ENPP6: variants seen among roughly 807,000 people sequenced by gnomAD.
ENPP6 encodes the protein ectonucleotide pyrophosphatase/phosphodiesterase 6, also known as glycerophosphocholine cholinephosphodiesterase ENPP6.
ENPP6 carries 32 observed loss-of-function variants against 42.0 expected under a neutral mutation model. The observed-to-expected ratio is 0.76, with a 90% CI of 0.58 to 1.02. ENPP6 has a LOEUF of 1.02. ENPP6 is among the 50% of genes least tolerant of loss of function. The pLI is 0.00. For synonymous variants in ENPP6, 213 were observed against 216.0 expected (o/e 0.99, Z 0.12); for missense variants, 552 against 566.8 (o/e 0.97, Z 0.27).
In ENPP6 at chr4:184,090,894, C is replaced by T; in HGVS notation, c.*283G>A. Reference sequence around the variant, plus strand: ...GTTGCTGCAGGAGCAGGTCCCTGCTCAGAGAGTTCATCCTGAGTAACGTGA... The same window carrying T: ...GTTGCTGCAGGAGCAGGTCCCTGCTTAGAGAGTTCATCCTGAGTAACGTGA... On this transcript the variant is annotated 3_prime_UTR_variant, in exon 8 of 8. Coordinates refer to ENST00000296741, the MANE Select transcript of ENPP6 (RefSeq NM_153343.4). 1 of 442,920 alleles carries T rather than the reference C, an allele frequency of 2.3e-6. No homozygotes were observed. Among genetic ancestry groups the T allele is most frequent in the Middle Eastern group, 5.7e-4 (1 of 1,748 alleles). 27.4% of individuals were successfully genotyped at this position (442,920 alleles called of 1,614,324 possible).
chr4:184,153,498 T>C, intron 2 of ENPP6, 56 bp downstream of exon 2: 1 of 1,519,156 alleles, frequency 6.6e-7, no homozygotes, highest in South Asian at 1.3e-5. Flanking sequence ...TGACACCGAC[T>C]GTCCTCAGAG....
chr4:184,193,943 G>A (rs961668943), intron 1 of ENPP6, among the ~76,000 whole-genome samples: 8 of 152,144 alleles, frequency 5.3e-5, no homozygotes, highest in South Asian at 2.1e-4. Context: ...TCTATTAGAA[G>A]CTTTGCCTTT....
In ENPP6 at chr4:184,117,743, C is replaced by A; in HGVS notation, c.675+16G>T. The A allele has an allele frequency of 1.2e-6, 2 of 1,612,350 alleles. No individual in the cohort carries two copies. Among genetic ancestry groups the A allele is most frequent in the East Asian group, 2.2e-5 (1 of 44,818 alleles). ...ACAGAGAGAAGGCCAGGCCACGTGT[C>A]TTTGCTTCAGGTCACCTGGATCCAC... On this transcript the variant is annotated intron_variant, in intron 4 of 7. Coordinates refer to ENST00000296741, the MANE Select transcript of ENPP6 (RefSeq NM_153343.4).
At chr4:184,094,243 C>T (rs1262408494) in intron 7 of ENPP6, among the ~76,000 whole-genome samples, 1 of 152,204 alleles carries the variant, frequency 6.6e-6, no homozygotes, top group African/African-American at 2.4e-5. Context: ...TGCCACTGCA[C>T]TCCAGCCTCG....
chr4:184,093,603 C>A (rs2111326065), intron 7 of ENPP6, among the ~76,000 whole-genome samples: 1 of 150,466 alleles, frequency 6.6e-6, no homozygotes, highest in East Asian at 2.0e-4. Context: ...CGTGCCATTG[C>A]ACTCCAGCCT....
chr4:184,116,760 A>G (rs570205496), intron 5 of ENPP6, 96 bp downstream of exon 5: 394 of 1,498,956 alleles, frequency 2.6e-4, no homozygotes, highest in Non-Finnish European at 3.4e-4. Flanking sequence ...ACACACACAC[A>G]AAACAAAACA....
intron 1 of ENPP6, among the ~76,000 whole-genome samples, chr4:184,164,702 T>G (rs764169094): frequency 3.1e-4 from 47 of 152,210 alleles, no homozygotes; most frequent in Non-Finnish European, 2.9e-4. Flanking sequence ...TGGTACTTCG[T>G]TACAGCAGGC....
intron 1 of ENPP6, among the ~76,000 whole-genome samples, chr4:184,199,752 A>G (rs1405576646): frequency 3.3e-5 from 5 of 152,128 alleles, no homozygotes; most frequent in African/African-American, 1.2e-4. Flanking sequence ...CTTTCTTCAT[A>G]TGTACAAAAC....
rs186099428 is a variant in ENPP6 at position 184,188,461 on chromosome 4, C to T, written c.241+29118G>A. 6.2e-4 allele frequency among the ~76,000 whole-genome samples: 94 copies of T among 152,232 alleles called. No homozygotes were observed. The East Asian group carries it at 0.012, about 19-fold the overall frequency. ...CCCAAATTGACGATCTGGGGTCCCA[C>T]GCTCTGCTTGAGTCAAGGGTTGGCA... On this transcript the variant is annotated intron_variant, in intron 1 of 7. Transcript: ENST00000296741.
At chr4:184,202,497 T>C (rs17075459) in intron 1 of ENPP6, among the ~76,000 whole-genome samples, 11,811 of 152,124 alleles carry the variant, frequency 0.078, 492 homozygotes, top group African/African-American at 0.1. Context: ...AATTGCACGT[T>C]TTTGACACAC....
At chr4:184,147,688 C>G (rs920217287) in intron 2 of ENPP6, among the ~76,000 whole-genome samples, 10 of 151,846 alleles carry the variant, frequency 6.6e-5, no homozygotes, top group African/African-American at 1.9e-4. Flanking sequence ...ATCATCCCAC[C>G]TACTTAGGAA....
At chr4:184,170,161 G>A (rs571627342) in intron 1 of ENPP6, among the ~76,000 whole-genome samples, 6 of 152,350 alleles carry the variant, frequency 3.9e-5, no homozygotes, top group Admixed American at 2.6e-4. Context: ...CGGGAAAGGT[G>A]GCTCACGCCT....
Position 184,097,211 on chromosome 4 carries a change from G to A in ENPP6, c.1117+34C>T, listed in dbSNP as rs765571403. On this transcript the variant is annotated intron_variant, in intron 7 of 7. Coordinates refer to ENST00000296741, the MANE Select transcript of ENPP6 (RefSeq NM_153343.4). The stretch of plus-strand genomic sequence containing the variant: ...CCTTACAGACACTTCCTTGGGAATG[G>A]GGTCTGAGAGCATCTGGTCATTTCC... 17 of 1,613,222 alleles carry A rather than the reference G, an allele frequency of 1.1e-5. 1 individual carries two copies. The South Asian group carries it at 1.5e-4, about 15-fold the overall frequency.
At chr4:184,095,989 G>C (rs1310371736) in intron 7 of ENPP6, among the ~76,000 whole-genome samples, 1 of 152,140 alleles carries the variant, frequency 6.6e-6, no homozygotes, top group Non-Finnish European at 1.5e-5. Flanking sequence ...AGCATGTTCA[G>C]GCATCTTCAG....
At chr4:184,126,268 G>A (rs940426048) in intron 2 of ENPP6, among the ~76,000 whole-genome samples, 1 of 152,086 alleles carries the variant, frequency 6.6e-6, no homozygotes, top group African/African-American at 2.4e-5. Flanking sequence ...CTTAACACTG[G>A]CACAGTAATA....
At chr4:184,214,790 A>G (rs1733172085) in intron 1 of ENPP6, among the ~76,000 whole-genome samples, 2 of 152,192 alleles carry the variant, frequency 1.3e-5, no homozygotes, top group Admixed American at 1.3e-4. Context: ...ATGAGAACAC[A>G]TGGACACAGG....
At chr4:184,139,122 C>A (rs1736778049) in intron 2 of ENPP6, among the ~76,000 whole-genome samples, 1 of 152,216 alleles carries the variant, frequency 6.6e-6, no homozygotes, top group African/African-American at 2.4e-5. Context: ...TCCTTCTGCT[C>A]CGTCTCTGCA....
intron 6 of ENPP6, among the ~76,000 whole-genome samples, chr4:184,105,427 A>G (rs993018836): frequency 1.4e-4 from 22 of 152,228 alleles, no homozygotes; most frequent in African/African-American, 5.1e-4. Context: ...TTAGAAACAC[A>G]TTGAACATTC....
intron 1 of ENPP6, among the ~76,000 whole-genome samples, chr4:184,175,015 C>G (rs1365212149): frequency 6.6e-6 from 1 of 152,202 alleles, no homozygotes; most frequent in African/African-American, 2.4e-5. Context: ...AGTGAGATTC[C>G]TAACAAGGCG....
Sources: gnomAD v4.1 joint callset for allele counts (sites outside exome capture counted in the v4.1 genomes callset) on GRCh38, gnomAD v4.1.1 for gene constraint, MANE v1.5 for transcripts, NCBI Gene and HGNC (gene_info 2026-07-23, HGNC 2026-07-21) for gene names.